PDE10A: variants seen among roughly 807,000 people sequenced by gnomAD.
PDE10A encodes phosphodiesterase 10A, also known as cAMP and cAMP-inhibited cGMP 3',5'-cyclic phosphodiesterase 10A.
A neutral mutation model predicts 97.7 loss-of-function variants in PDE10A; 39 were observed. The ratio of observed to expected loss-of-function variants is 0.40; its 90% CI spans 0.31 to 0.52. The LOEUF (loss-of-function observed/expected upper bound fraction) is 0.52. Ranked by LOEUF, PDE10A falls within the 20% of genes least tolerant of loss-of-function variation. The pLI, the probability that PDE10A is intolerant of heterozygous loss-of-function variation, is 0.56. For missense variants in PDE10A, 731 were observed against 1,047.8 expected (o/e 0.70, Z 4.17); for synonymous variants, 371 against 376.8 (o/e 0.98, Z 0.18).
chr6:165,348,836 T>A (rs1192134566), intron 18 of PDE10A, among the ~76,000 whole-genome samples: 1 of 152,148 alleles, frequency 6.6e-6, no homozygotes, highest in Non-Finnish European at 1.5e-5. Context: ...GATGGTTTTA[T>A]AAGGGGCTTC....
At chr6:165,958,681 GGAAAGAAA>G in intron 1 of PDE10A, among the ~76,000 whole-genome samples, 1 of 120,740 alleles carries the variant, frequency 8.3e-6, no homozygotes, top group South Asian at 2.7e-4. Context: ...AAAGAAGGAA[GGAAAGAAA>G]GAAAGAGAAA....
intron 1 of PDE10A, among the ~76,000 whole-genome samples, chr6:165,602,302 C>T (rs890217258): frequency 1.3e-5 from 2 of 152,170 alleles, no homozygotes; most frequent in African/African-American, 4.8e-5. Context: ...TTTCTCATGC[C>T]TCTTTCTCAA....
intron 1 of PDE10A, among the ~76,000 whole-genome samples, chr6:165,709,267 C>T (rs1402575012): frequency 7.1e-6 from 1 of 141,762 alleles, no homozygotes; most frequent in Non-Finnish European, 1.5e-5. Context: ...CATCCCCATG[C>T]TGCCACGCTG....
intron 2 of PDE10A, among the ~76,000 whole-genome samples, chr6:165,492,645 T>C (rs778819892): frequency 3.3e-5 from 5 of 152,158 alleles, no homozygotes; most frequent in Non-Finnish European, 5.9e-5. Flanking sequence ...CAGCATCCCA[T>C]TATGATTAAA....
intron 18 of PDE10A, among the ~76,000 whole-genome samples, chr6:165,349,794 G>C (rs977537191): frequency 6.6e-6 from 1 of 152,210 alleles, no homozygotes; most frequent in African/African-American, 2.4e-5. Context: ...GTGACGAAAA[G>C]GGGCCAATGT....
At chr6:165,491,295 T>C (rs1461257236) in intron 2 of PDE10A, among the ~76,000 whole-genome samples, 2 of 152,088 alleles carry the variant, frequency 1.3e-5, no homozygotes, top group South Asian at 4.1e-4. Flanking sequence ...ACAGTAATAG[T>C]GGGGGACTTC....
intron 2 of PDE10A, among the ~76,000 whole-genome samples, chr6:165,497,688 T>C (rs1157293847): frequency 6.6e-6 from 1 of 152,170 alleles, no homozygotes; most frequent in Non-Finnish European, 1.5e-5. Flanking sequence ...CTAGATGCTA[T>C]CAGGCCCAGG....
At chr6:165,619,977 G>A (rs1788047623) in intron 1 of PDE10A, among the ~76,000 whole-genome samples, 1 of 152,100 alleles carries the variant, frequency 6.6e-6, no homozygotes, top group Non-Finnish European at 1.5e-5. Context: ...CTGACTCTTA[G>A]AGACCCTGTA....
At chr6:165,691,101 C>CTCTCTT (rs1562686873) in intron 1 of PDE10A, among the ~76,000 whole-genome samples, 5 of 44,330 alleles carry the variant, frequency 1.1e-4, no homozygotes, top group Non-Finnish European at 1.7e-4. Context: ...CTCTCTCTTT[C>CTCTCTT]TCTCTCCCCC....
intron 3 of PDE10A, among the ~76,000 whole-genome samples, chr6:165,450,893 CGTCTATGCAGCCT>C (rs1468757388): frequency 1.3e-5 from 2 of 152,086 alleles, no homozygotes; most frequent in African/African-American, 4.8e-5. Context: ...CCATAGACTG[CGTCTATGCAGCCT>C]ATATATATTA....
At chr6:165,395,136 A>G in intron 15 of PDE10A, 45 bp downstream of exon 15, 1 of 1,198,058 alleles carries the variant, frequency 8.3e-7, no homozygotes, top group South Asian at 1.2e-5. Context: ...GGAAGAGGTT[A>G]TGTCACCCAA....
At chr6:165,504,790 G>A (rs1781096615) in intron 2 of PDE10A, among the ~76,000 whole-genome samples, 1 of 151,978 alleles carries the variant, frequency 6.6e-6, no homozygotes, top group Admixed American at 6.6e-5. Flanking sequence ...TATCATAATT[G>A]GCTTAACATA....
rs539483598 is a variant in PDE10A, at chr6:165,524,562, C to T, written c.994+18878G>A. ...ACATAATGAAGTTGGTTGGTTGCTC[C>T]TAAGTTCATTGAACAAAGTGATGAA... On this transcript the variant is annotated intron_variant, in intron 2 of 21. Transcript: ENST00000539869. Among the ~76,000 whole-genome samples, 56 of 152,182 alleles carry T rather than the reference C, an allele frequency of 3.7e-4. 1 individual carries two copies. The South Asian group carries it at 1.0e-2, about 27-fold the overall frequency.
intron 1 of PDE10A, among the ~76,000 whole-genome samples, chr6:165,591,800 GAAGA>G (rs990962690): frequency 3.9e-5 from 6 of 152,094 alleles, no homozygotes; most frequent in African/African-American, 1.2e-4. Flanking sequence ...CTGTTTACAA[GAAGA>G]AAGAAACTTA....
chr6:165,604,458 G>T (rs117406557), intron 1 of PDE10A, among the ~76,000 whole-genome samples: 2 of 149,186 alleles, frequency 1.3e-5, no homozygotes, highest in African/African-American at 2.5e-5. Flanking sequence ...ACATGCCCAC[G>T]TGAGTGTCCA....
At chr6:165,868,202 A>G (rs111747307) in intron 1 of PDE10A, among the ~76,000 whole-genome samples, 3 of 152,196 alleles carry the variant, frequency 2.0e-5, no homozygotes, top group African/African-American at 7.2e-5. Context: ...GACTAAAATA[A>G]AAATAAAAGA....
At chr6:165,408,892 G>A (rs1346501617) in intron 13 of PDE10A, among the ~76,000 whole-genome samples, 5 of 152,086 alleles carry the variant, frequency 3.3e-5, no homozygotes, top group Non-Finnish European at 5.9e-5. Context: ...GGGGCAGGGC[G>A]CGGTGGCTCA....
At chr6:165,625,686 T>C (rs574444044) in intron 1 of PDE10A, among the ~76,000 whole-genome samples, 23 of 152,288 alleles carry the variant, frequency 1.5e-4, no homozygotes, top group Non-Finnish European at 2.9e-4. Flanking sequence ...CTTATGGTTT[T>C]ATAAGGGGAA....
chr6:165,672,646 C>CT (rs1389412171), intron 1 of PDE10A, among the ~76,000 whole-genome samples: 1 of 152,152 alleles, frequency 6.6e-6, no homozygotes, highest in Non-Finnish European at 1.5e-5. Context: ...GGGGAAACCC[C>CT]TTTGCTTGGC....
Sources: gnomAD v4.1 joint callset for allele counts (sites outside exome capture counted in the v4.1 genomes callset) on GRCh38, gnomAD v4.1.1 for gene constraint, MANE v1.5 for transcripts, NCBI Gene and HGNC (gene_info 2026-07-23, HGNC 2026-07-21) for gene names.